FHIT: variants seen among roughly 807,000 people sequenced by gnomAD.
FHIT encodes bis(5'-adenosyl)-triphosphatase.
In FHIT, 19 loss-of-function variants were observed where a neutral mutation model predicts 17.9. That is an observed-to-expected ratio of 1.06 (90% confidence interval 0.74 to 1.56). The LOEUF (loss-of-function observed/expected upper bound fraction) is 1.56. FHIT is among the 40% of genes most tolerant of loss of function. The pLI is 0.00. For missense variants in FHIT, 248 were observed against 189.2 expected (o/e 1.31, Z -1.82); for synonymous variants, 81 against 69.7 (o/e 1.16, Z -0.81).
intron 5 of FHIT, among the ~76,000 whole-genome samples, chr3:60,149,616 C>T (rs546553058): frequency 3.9e-5 from 6 of 152,046 alleles, no homozygotes; most frequent in Non-Finnish European, 7.4e-5. Context: ...ACATCTGTTG[C>T]CCCATAGCCC....
At chr3:61,056,723 C>G (rs2034237617) in intron 2 of FHIT, among the ~76,000 whole-genome samples, 1 of 152,124 alleles carries the variant, frequency 6.6e-6, no homozygotes, top group Admixed American at 6.6e-5. Context: ...TGAGCATGTT[C>G]TTAGGGATCT....
intron 7 of FHIT, among the ~76,000 whole-genome samples, chr3:59,990,493 A>T (rs1709177617): frequency 1.3e-5 from 2 of 152,096 alleles, no homozygotes; most frequent in Admixed American, 6.6e-5. Context: ...ATGGAAGCAG[A>T]TGAGGGGAAC....
intron 3 of FHIT, among the ~76,000 whole-genome samples, chr3:61,002,866 A>T (rs1045495248): frequency 6.6e-6 from 1 of 151,454 alleles, no homozygotes; most frequent in Non-Finnish European, 1.5e-5. Context: ...CCTGCTCCAT[A>T]CCCCTTCTGA....
chr3:60,371,098 G>A (rs1384650757), intron 5 of FHIT, among the ~76,000 whole-genome samples: 1 of 152,164 alleles, frequency 6.6e-6, no homozygotes, highest in Non-Finnish European at 1.5e-5. Context: ...ACCTGAGACA[G>A]AAGACTCTGG....
At chr3:60,341,452 A>C (rs1413947155) in intron 5 of FHIT, among the ~76,000 whole-genome samples, 1 of 152,202 alleles carries the variant, frequency 6.6e-6, no homozygotes, top group Non-Finnish European at 1.5e-5. Flanking sequence ...CGTGGAGACA[A>C]AGGCAGGATT....
rs542691039 is a variant in FHIT, at chr3:60,913,951, G to GT, written c.-110-91941dup. On this transcript the variant is annotated intron_variant, in intron 3 of 9. Coordinates refer to ENST00000492590, the MANE Select transcript of FHIT (RefSeq NM_002012.4). Reference sequence around the variant, plus strand: ...AAAGTCTAAATCTGGAACTGGCACTGTGCATTTCTGCCATTTTCTGTTGAT... The same window carrying GT: ...AAAGTCTAAATCTGGAACTGGCACTGTTGCATTTCTGCCATTTTCTGTTGAT... 6.9e-4 allele frequency among the ~76,000 whole-genome samples: 105 copies of GT among 152,334 alleles called. No individual in the cohort carries two copies. In the East Asian group the frequency reaches 0.017, roughly 24 times the overall value.
intron 3 of FHIT, among the ~76,000 whole-genome samples, chr3:60,869,025 G>C (rs1203398468): frequency 3.9e-5 from 6 of 152,098 alleles, no homozygotes; most frequent in Non-Finnish European, 8.8e-5. Context: ...GGATTTCCCA[G>C]CTTAACAAAA....
intron 3 of FHIT, among the ~76,000 whole-genome samples, chr3:60,997,215 GC>G (rs1388545597): frequency 1.3e-5 from 2 of 152,172 alleles, no homozygotes; most frequent in Non-Finnish European, 2.9e-5. Flanking sequence ...CAGAATCCCT[GC>G]CCTTGGGTGC....
At position 60,879,867 on chromosome 3, in the gene FHIT, GT is replaced by G. The variant is rs1233657802; in HGVS notation, c.-110-57857del. 1.3e-4 allele frequency among the ~76,000 whole-genome samples: 20 copies of G among 151,360 alleles called. No homozygotes were observed. In the South Asian group the frequency reaches 4.0e-3, roughly 30 times the overall value. ...GAAAAAAAAATAAGAAAGAAAAAGA[GT>G]TTTTAAAAAAGACTACAAGACTTAT... On this transcript the variant is annotated intron_variant, in intron 3 of 9. Coordinates refer to ENST00000492590, the MANE Select transcript of FHIT (RefSeq NM_002012.4).
intron 5 of FHIT, among the ~76,000 whole-genome samples, chr3:60,243,180 C>T (rs1348510798): frequency 1.3e-5 from 2 of 152,044 alleles, no homozygotes; most frequent in African/African-American, 4.8e-5. Flanking sequence ...AGGGTTACCT[C>T]TAAGCAGCTT....
At chr3:60,297,237 T>G (rs1442001012) in intron 5 of FHIT, among the ~76,000 whole-genome samples, 1 of 152,114 alleles carries the variant, frequency 6.6e-6, no homozygotes, top group African/African-American at 2.4e-5. Flanking sequence ...TTGGGAGAAC[T>G]GACATATTTA....
At chr3:60,102,485 T>C (rs1452462416) in intron 5 of FHIT, among the ~76,000 whole-genome samples, 1 of 152,088 alleles carries the variant, frequency 6.6e-6, no homozygotes, top group Non-Finnish European at 1.5e-5. Flanking sequence ...GATCTGGGGG[T>C]TCTTACTTAT....
At chr3:60,530,259 A>G (rs1439753930) in intron 5 of FHIT, among the ~76,000 whole-genome samples, 1 of 152,212 alleles carries the variant, frequency 6.6e-6, no homozygotes, top group Non-Finnish European at 1.5e-5. Flanking sequence ...AGAGTCAAGG[A>G]AGAGAAGGCA....
chr3:60,449,057 G>A (rs1014728759), intron 5 of FHIT, among the ~76,000 whole-genome samples: 1 of 152,126 alleles, frequency 6.6e-6, no homozygotes, highest in South Asian at 2.1e-4. Flanking sequence ...TACAGAAAGG[G>A]TTGGAAAAAT....
chr3:61,030,170 A>C (rs2032941751), intron 3 of FHIT, among the ~76,000 whole-genome samples: 1 of 152,048 alleles, frequency 6.6e-6, no homozygotes, highest in South Asian at 2.1e-4. Context: ...GGGTTTCTTC[A>C]TGTTGCCTAG....
chr3:60,423,995 A>G (rs377089110), intron 5 of FHIT, among the ~76,000 whole-genome samples: 8 of 152,188 alleles, frequency 5.3e-5, no homozygotes, highest in East Asian at 3.9e-4. Flanking sequence ...ATCCTAGATT[A>G]TAATTGTACT....
At chr3:60,363,748 T>TCCCTGGCCC (rs113191822) in intron 5 of FHIT, among the ~76,000 whole-genome samples, 5 of 152,100 alleles carry the variant, frequency 3.3e-5, no homozygotes, top group Admixed American at 2.0e-4. Context: ...CCAACAAGCT[T>TCCCTGGCCC]CCCTGGCCCC....
Position 60,480,415 on chromosome 3 carries a change from A to G in FHIT, c.103+56445T>C, listed in dbSNP as rs141024812. Among the ~76,000 whole-genome samples the G allele has an allele frequency of 5.5e-3, 831 of 152,292 alleles. 5 individuals are homozygous for G. The highest frequency in any genetic ancestry group is 8.5e-3 in the Non-Finnish European group (575 of 68,012). ...TTTCAAAAGGCAATCATGCCTTCCCAACAGTTCCCCAAAGTCTTAACTCAT... is the reference window on the plus strand; with the variant it reads ...TTTCAAAAGGCAATCATGCCTTCCCGACAGTTCCCCAAAGTCTTAACTCAT... On this transcript the variant is annotated intron_variant, in intron 5 of 9. Transcript: ENST00000492590.
At chr3:61,006,229 G>C (rs1290340588) in intron 3 of FHIT, among the ~76,000 whole-genome samples, 1 of 152,152 alleles carries the variant, frequency 6.6e-6, no homozygotes, top group Non-Finnish European at 1.5e-5. Context: ...ATATGGATTA[G>C]TGCTCTCAAA....
Sources: gnomAD v4.1 joint callset for allele counts (sites outside exome capture counted in the v4.1 genomes callset) on GRCh38, gnomAD v4.1.1 for gene constraint, MANE v1.5 for transcripts, NCBI Gene and HGNC (gene_info 2026-07-23, HGNC 2026-07-21) for gene names.